The following CRYBB2 variants were observed in gnomAD, a reference collection of about 807,000 sequenced individuals.
CRYBB2 encodes the protein crystallin beta B2.
In CRYBB2, 12 loss-of-function variants were observed where a neutral mutation model predicts 24.3. The ratio of observed to expected loss-of-function variants is 0.49; its 90% CI spans 0.32 to 0.80. The LOEUF (loss-of-function observed/expected upper bound fraction) is 0.80, where lower values mean the gene tolerates loss of function less well. Ranked by LOEUF, CRYBB2 falls within the 30% of genes least tolerant of loss-of-function variation. CRYBB2 has a pLI of 0.04. For missense variants in CRYBB2, 198 were observed against 268.5 expected (o/e 0.74, Z 1.83); for synonymous variants, 98 against 101.6 (o/e 0.96, Z 0.21).
Position 25,221,470 on chromosome 22 carries a change from C to T in CRYBB2, c.41C>T (p.Ser14Phe), listed in dbSNP as rs1935319536. 2.5e-6 allele frequency: 4 copies of T among 1,613,198 alleles called. No homozygotes were observed. The highest frequency in any genetic ancestry group is 2.5e-6 in the Non-Finnish European group (3 of 1,179,260). The change falls in exon 2 of 6, where the codon TCC becomes TTC. Residue 14 changes from serine (S) to phenylalanine (F), a missense_variant. By Grantham distance (155) the Ser-to-Phe change is radical. Transcript: ENST00000398215. Reference protein sequence around the residue: ...DHQTQAGKPQSLNPKIIIFEQ... With the variant: ...DHQTQAGKPQFLNPKIIIFEQ... Reference sequence around the variant, plus strand: ...CAGACCCAGGCGGGCAAGCCACAGTCCCTCAACCCCAAGGTGGGTACCTCT... The same window carrying T: ...CAGACCCAGGCGGGCAAGCCACAGTTCCTCAACCCCAAGGTGGGTACCTCT...
chr22:25,229,112 C>T (rs1027790913), intron 4 of CRYBB2, among the ~76,000 whole-genome samples: 1 of 151,494 alleles, frequency 6.6e-6, no homozygotes, highest in African/African-American at 2.4e-5. Flanking sequence ...TGTGTGTGTG[C>T]ATGTGTGGGT....
chr22:25,221,417 A>G lies in CRYBB2; in HGVS notation c.-13A>G. 6.2e-7 allele frequency: 1 copy of G among 1,612,888 alleles called. No individual in the cohort carries two copies. Among genetic ancestry groups the G allele is most frequent in the Non-Finnish European group, 8.5e-7 (1 of 1,178,880 alleles). On this transcript the variant is annotated 5_prime_UTR_variant, in exon 2 of 6. Transcript: ENST00000398215. ...CATGTCTTCCAGGTCATTCCTGCACAGGACAGTCCACCATGGCCTCAGATC... is the reference window on the plus strand; with the variant it reads ...CATGTCTTCCAGGTCATTCCTGCACGGGACAGTCCACCATGGCCTCAGATC...
chr22:25,225,920 G>C (rs979824062), intron 3 of CRYBB2, among the ~76,000 whole-genome samples: 3 of 152,264 alleles, frequency 2.0e-5, no homozygotes, highest in Admixed American at 2.0e-4. Flanking sequence ...GGATAGCTGA[G>C]ATTTGACCGT....
chr22:25,218,182 A>G (rs139468781), upstream of CRYBB2, among the ~76,000 whole-genome samples: 52 of 151,706 alleles, frequency 3.4e-4, 1 homozygote, highest in African/African-American at 1.1e-3. Flanking sequence ...TGGTGTGAAC[A>G]CGGGAGGCAG....
chr22:25,225,329 T>G (rs1222332018), intron 3 of CRYBB2, among the ~76,000 whole-genome samples: 1 of 152,128 alleles, frequency 6.6e-6, no homozygotes, highest in Non-Finnish European at 1.5e-5. Flanking sequence ...GAGAGGGTCA[T>G]GTGGAAAGCC....
At chr22:25,226,685 T>C (rs1463809970) in intron 3 of CRYBB2, among the ~76,000 whole-genome samples, 1 of 152,224 alleles carries the variant, frequency 6.6e-6, no homozygotes, top group Non-Finnish European at 1.5e-5. Context: ...TTGTTTTGTT[T>C]TGTTGAGACA....
In CRYBB2 at chr22:25,214,382, G is replaced by A. The variant is rs985373415; in HGVS notation, c.-27+1542G>A. On this transcript the variant is annotated intron_variant, in intron 1 of 5. Transcript: ENST00000651629. ...ACATTTTGAGATCATAGGAACCTATGGGCTGTAAGTTGCACCAAGGTGGGG... is the reference window on the plus strand; with the variant it reads ...ACATTTTGAGATCATAGGAACCTATAGGCTGTAAGTTGCACCAAGGTGGGG... 1.4e-4 allele frequency among the ~76,000 whole-genome samples: 21 copies of A among 152,130 alleles called. 1 individual carries two copies. The highest frequency in any genetic ancestry group is 4.4e-5 in the Non-Finnish European group (3 of 68,034).
upstream of CRYBB2, among the ~76,000 whole-genome samples, chr22:25,217,571 C>A (rs1219599955): frequency 2.0e-5 from 3 of 152,206 alleles, no homozygotes; most frequent in East Asian, 5.9e-4. Context: ...CCTGGCTTGG[C>A]TTCCCAAAGT....
At chr22:25,222,637 G>A (rs1051914893) in intron 2 of CRYBB2, among the ~76,000 whole-genome samples, 3 of 152,156 alleles carry the variant, frequency 2.0e-5, no homozygotes, top group Admixed American at 1.3e-4. Flanking sequence ...AACAGCAGGC[G>A]CAAAGACTCC....
At chr22:25,224,434 G>C (rs1935376517) in intron 2 of CRYBB2, among the ~76,000 whole-genome samples, 1 of 152,060 alleles carries the variant, frequency 6.6e-6, no homozygotes, top group South Asian at 2.1e-4. Flanking sequence ...GTCATAATTA[G>C]TTCTCCCACA....
At chr22:25,218,690 AAG>A (rs752243949), upstream of CRYBB2, among the ~76,000 whole-genome samples, 4 of 78,582 alleles carry the variant, frequency 5.1e-5, no homozygotes, top group Admixed American at 1.3e-4. Context: ...GAAAGAAAGA[AAG>A]AGAGAGAGAG....
chr22:25,230,722 C>A (rs971346812), intron 5 of CRYBB2, among the ~76,000 whole-genome samples: 20 of 149,288 alleles, frequency 1.3e-4, no homozygotes, highest in African/African-American at 4.5e-4. Flanking sequence ...TCAGTGCTGC[C>A]ATATGCCAGG....
intron 2 of CRYBB2, among the ~76,000 whole-genome samples, chr22:25,223,852 G>T (rs1424418375): frequency 6.6e-6 from 1 of 152,162 alleles, no homozygotes; most frequent in African/African-American, 2.4e-5. Flanking sequence ...CGGGCGCGGT[G>T]GCTCACGCCT....
At chr22:25,218,204 A>G (rs1464885294), upstream of CRYBB2, among the ~76,000 whole-genome samples, 4 of 151,606 alleles carry the variant, frequency 2.6e-5, no homozygotes, top group East Asian at 5.8e-4. Context: ...GCTTGCAGTG[A>G]GCTGAGATCG....
At chr22:25,217,279 CTT>C (rs1412199355), upstream of CRYBB2, among the ~76,000 whole-genome samples, 2 of 151,816 alleles carry the variant, frequency 1.3e-5, no homozygotes, top group African/African-American at 4.8e-5. Context: ...GTTTGTGACA[CTT>C]TATTACAGCA....
upstream of CRYBB2, among the ~76,000 whole-genome samples, chr22:25,218,808 A>AAG (rs1207665944): frequency 1.1e-4 from 15 of 131,002 alleles, no homozygotes; most frequent in Admixed American, 4.4e-4. Flanking sequence ...GAAAGAAAGA[A>AAG]AGAAAGAAAG....
At chr22:25,218,610 G>A (rs1321887748), upstream of CRYBB2, among the ~76,000 whole-genome samples, 1 of 150,122 alleles carries the variant, frequency 6.7e-6, no homozygotes, top group East Asian at 2.0e-4. Context: ...AGGTTGCAGT[G>A]AGCCGAGATC....
At chr22:25,221,556 T>C (rs370008006) in intron 2 of CRYBB2, 73 bp downstream of exon 2, 1 of 1,193,574 alleles carries the variant, frequency 8.4e-7, no homozygotes. Context: ...TAAAATGGGC[T>C]TGGCATCTTT....
chr22:25,222,980 T>C (rs1396165271), intron 2 of CRYBB2, among the ~76,000 whole-genome samples: 1 of 152,220 alleles, frequency 6.6e-6, no homozygotes, highest in African/African-American at 2.4e-5. Flanking sequence ...AGTAGCCATA[T>C]GTTACTAATG....
Sources: gnomAD v4.1 joint callset for allele counts (sites outside exome capture counted in the v4.1 genomes callset) on GRCh38, gnomAD v4.1.1 for gene constraint, MANE v1.5 for transcripts, NCBI Gene and HGNC (gene_info 2026-07-23, HGNC 2026-07-21) for gene names.